STK31: variants seen among roughly 807,000 people sequenced by gnomAD.
STK31 encodes the protein serine/threonine-protein kinase 31.
In STK31, 89 loss-of-function variants were observed where a neutral mutation model predicts 129.7. The observed-to-expected ratio is 0.69, with a 90% CI of 0.58 to 0.82. The LOEUF is 0.82. STK31 is among the 40% of genes least tolerant of loss of function. STK31 has a pLI of 0.00. For synonymous variants in STK31, 448 were observed against 395.3 expected, an observed-to-expected ratio of 1.13 and a Z score of -1.58; for missense variants, 1,187 against 1,176.4, an observed-to-expected ratio of 1.01 and a Z score of -0.13.
intron 15 of STK31, among the ~76,000 whole-genome samples, chr7:23,779,530 G>A (rs1386616038): frequency 2.0e-5 from 3 of 152,214 alleles, no homozygotes; most frequent in Non-Finnish European, 4.4e-5. Flanking sequence ...ATTCAGAGAT[G>A]CCCTGCCCAG....
At position 23,790,893 on chromosome 7, in the gene STK31, A is replaced by G. The variant is rs1427982558; in HGVS notation, c.2707A>G (p.Lys903Glu). The G allele has an allele frequency of 2.5e-6, 4 of 1,608,812 alleles. No individual in the cohort carries two copies. Residue 903 changes from lysine to glutamate, a missense_variant, in exon 22 of 24, where the codon AAA becomes GAA. This residue lies in a region of STK31 where 975 missense variants were observed against 934.9 expected (regional missense o/e 1.04). Transcript: ENST00000355870. ...GATGTCACCTGAGTTGAAAATGGGA[A>G]AACCTGCTTCTCCAGGTTCAGACTT... Reference protein sequence around the residue: ...SLMSPELKMGKPASPGSDLYA... With the variant: ...SLMSPELKMGEPASPGSDLYA...
intron 23 of STK31, among the ~76,000 whole-genome samples, chr7:23,815,550 A>G (rs575261800): frequency 6.6e-6 from 1 of 152,296 alleles, no homozygotes; most frequent in Admixed American, 6.5e-5. Flanking sequence ...TCATTCACAT[A>G]TGTATTCAGC....
Position 23,771,057 on chromosome 7 carries a change from T to C in STK31, c.1766T>C (p.Leu589Pro). Residue 589 changes from leucine (L) to proline (P), a missense_variant, in exon 14 of 24, where the codon CTG becomes CCG. Leu to Pro is a moderately conservative substitution (Grantham distance 98). Coordinates refer to ENST00000355870, the MANE Select transcript of STK31 (RefSeq NM_031414.5). ...EIISNTYSQV[L>P]QKIHSEERLI... ...ATTTCAAATACATATAGTCAAGTAC[T>C]GCAAAAGATTCATTCAGAGGAAAGG... 6.2e-7 allele frequency: 1 copy of C among 1,612,880 alleles called. No homozygotes were observed. Among genetic ancestry groups the C allele is most frequent in the Non-Finnish European group, 8.5e-7 (1 of 1,179,350 alleles).
At chr7:23,767,222 ACTT>A (rs1199547501) in intron 11 of STK31, among the ~76,000 whole-genome samples, 2 of 152,042 alleles carry the variant, frequency 1.3e-5, no homozygotes, top group Non-Finnish European at 2.9e-5. Context: ...AGTTTTTTAT[ACTT>A]CTTTCAGAGT....
intron 10 of STK31, among the ~76,000 whole-genome samples, chr7:23,758,849 A>G (rs1429350440): frequency 1.3e-5 from 2 of 152,158 alleles, no homozygotes; most frequent in Non-Finnish European, 2.9e-5. Context: ...AGACTGGCAA[A>G]TTAGCTAAGT....
At chr7:23,749,471 T>C (rs4719734) in intron 8 of STK31, among the ~76,000 whole-genome samples, 68,399 of 147,834 alleles carry the variant, frequency 0.46, 16,354 homozygotes, top group Admixed American at 0.55. Context: ...GCCTCCTGAG[T>C]AACTGGGACT....
At chr7:23,729,625 C>T (rs1206120639) in intron 6 of STK31, among the ~76,000 whole-genome samples, 1 of 151,822 alleles carries the variant, frequency 6.6e-6, no homozygotes, top group Non-Finnish European at 1.5e-5. Context: ...ATTCTTCTGC[C>T]TCAGCCTCCC....
In STK31 at chr7:23,737,060, G is replaced by T. The variant is rs1279578257; in HGVS notation, c.999G>T (p.Gln333His). ...AGGCGTTAGAATTGAAAGTAGAGCA[G>T]ATTGCCCAGGAGCTGCAGGTATGTT... ...SYKALELKVE[Q>H]IAQELQQEKA... The change falls in exon 8 of 24, where the codon CAG (glutamine) becomes CAT (histidine). Residue 333 changes from glutamine to histidine, a missense_variant. Physicochemically the swap from Gln to His is conservative, Grantham distance 24. Transcript: ENST00000355870. The T allele has an allele frequency of 1.2e-5, 19 of 1,607,328 alleles. No homozygotes were observed. The highest frequency in any genetic ancestry group is 1.6e-5 in the Non-Finnish European group (19 of 1,178,942).
intron 23 of STK31, among the ~76,000 whole-genome samples, chr7:23,815,860 CAAAG>C (rs1793439493): frequency 6.7e-6 from 1 of 148,882 alleles, no homozygotes; most frequent in Non-Finnish European, 1.5e-5. Flanking sequence ...TTTAGTTCTG[CAAAG>C]AAAGGGGGAA....
chr7:23,788,250 G>A, intron 21 of STK31, 121 bp downstream of exon 21: 1 of 868,944 alleles, frequency 1.2e-6, no homozygotes, highest in Non-Finnish European at 1.6e-6. Context: ...GTTAAACTGT[G>A]TCATGTAGTA....
At chr7:23,750,103 T>C (rs1458203024) in intron 8 of STK31, among the ~76,000 whole-genome samples, 1 of 130,096 alleles carries the variant, frequency 7.7e-6, no homozygotes, top group Admixed American at 9.7e-5. Context: ...GAGGGGATTT[T>C]ACTGCGATGA....
At chr7:23,731,616 C>T (rs1787437403) in intron 6 of STK31, among the ~76,000 whole-genome samples, 1 of 152,142 alleles carries the variant, frequency 6.6e-6, no homozygotes, top group Non-Finnish European at 1.5e-5. Flanking sequence ...AGAAGGTGTC[C>T]TGGGCACTGA....
In STK31 at chr7:23,714,627, G is replaced by T. The variant is rs1584312871; in HGVS notation, c.150+2341G>T. 2.0e-5 allele frequency among the ~76,000 whole-genome samples: 3 copies of T among 152,294 alleles called. No individual in the cohort carries two copies. In the East Asian group the frequency reaches 5.8e-4, roughly 29 times the overall value. On this transcript the variant is annotated intron_variant, in intron 3 of 23. Coordinates refer to ENST00000355870, the MANE Select transcript of STK31 (RefSeq NM_031414.5). ...TTTTTAATATTGTCTTTGAAATCCA[G>T]TGTGTATATTAGACTTACAGCATAT...
chr7:23,712,006 C>G (rs1388434459), intron 1 of STK31, 93 bp from the exon 2 acceptor site: 3 of 1,097,724 alleles, frequency 2.7e-6, no homozygotes, highest in Non-Finnish European at 3.9e-6. Flanking sequence ...GCATTTAGGA[C>G]AAAACATTTG....
intron 6 of STK31, among the ~76,000 whole-genome samples, chr7:23,732,484 A>T (rs1380100189): frequency 6.6e-6 from 1 of 152,138 alleles, no homozygotes; most frequent in Non-Finnish European, 1.5e-5. Flanking sequence ...TCTTTTTGTT[A>T]GTTGGAACTG....
chr7:23,787,987 TA>T lies in STK31; in HGVS notation c.2498del (p.Lys833ArgfsTer3). The T allele has an allele frequency of 6.4e-7, 1 of 1,563,306 alleles. No homozygotes were observed. The highest frequency in any genetic ancestry group is 8.6e-7 in the Non-Finnish European group (1 of 1,158,276). On this transcript the variant is annotated frameshift_variant, in exon 21 of 24. Transcript: ENST00000355870. LOFTEE classifies it high-confidence loss of function. ...ATGTGTACTTATCTATAGGAAACTT[TA>T]AAGGTCATGAAAGGTGTTGCCCAGG... is the stretch of plus-strand genomic sequence containing the variant. ...ANMPLNSEET[L>X]KVMKGVAQGL...
Position 23,772,200 on chromosome 7 carries a change from G to A in STK31, c.1887G>A (p.Leu629=), listed in dbSNP as rs2128104290. The change falls in exon 15 of 24, where the codon TTG becomes TTA. Residue 629 remains leucine, a synonymous_variant. Coordinates refer to ENST00000355870, the MANE Select transcript of STK31 (RefSeq NM_031414.5). ...YLNKSPSVDH[L]LSIKKTLKSL... ...ATAAGAGTCCCAGTGTGGATCACTTGCTATCCATTAAGAAGACATTGAAAA... is the reference window on the plus strand; with the variant it reads ...ATAAGAGTCCCAGTGTGGATCACTTACTATCCATTAAGAAGACATTGAAAA... 6.2e-7 allele frequency: 1 copy of A among 1,605,200 alleles called. No homozygotes were observed. The highest frequency in any genetic ancestry group is 1.3e-5 in the African/African-American group (1 of 74,564).
rs192869998 is a variant in STK31, at chr7:23,712,667, G to T, written c.150+381G>T. 1.7e-3 allele frequency among the ~76,000 whole-genome samples: 256 copies of T among 152,206 alleles called. 1 individual carries two copies. The highest frequency in any genetic ancestry group is 5.9e-3 in the African/African-American group (245 of 41,544). On this transcript the variant is annotated intron_variant, in intron 3 of 23. Transcript: ENST00000355870. The stretch of plus-strand genomic sequence containing the variant: ...GAAGGAGGATAAGTTAAAAATCTCG[G>T]TCGTTTTTTCTAATGGCTTAAATTT...
chr7:23,778,325 G>GT (rs1244992802), intron 15 of STK31, among the ~76,000 whole-genome samples: 6 of 152,140 alleles, frequency 3.9e-5, no homozygotes, highest in African/African-American at 1.2e-4. Flanking sequence ...TGGGGTTGCT[G>GT]TTTTTGAGGA....
Sources: allele counts gnomAD v4.1 joint callset (sites outside exome capture counted in the v4.1 genomes callset), GRCh38; gene constraint gnomAD v4.1.1; regional missense constraint gnomAD v4.1.1; transcripts MANE v1.5; gene names NCBI Gene and HGNC (gene_info 2026-07-23, HGNC 2026-07-21).